The following ADAMTSL1 variants were observed in gnomAD, a reference collection of about 807,000 sequenced individuals.
ADAMTSL1 encodes ADAMTS-like protein 1.
A neutral mutation model predicts 201.8 loss-of-function variants in ADAMTSL1; 126 were observed. That is an observed-to-expected ratio of 0.62 (90% CI 0.54 to 0.72). ADAMTSL1 has a LOEUF of 0.72. Among genes scored for constraint, ADAMTSL1 ranks in the 30% least tolerant of loss-of-function variants. The pLI is 0.00. For synonymous variants in ADAMTSL1, 1,121 were observed against 903.4 expected (o/e 1.24, Z -4.32); for missense variants, 2,679 against 2,277.8 (o/e 1.18, Z -3.59).
rs183414297 is a variant in ADAMTSL1, at chr9:18,895,412, G to A, written c.4851+2816G>A. On this transcript the variant is annotated intron_variant, in intron 26 of 28. Transcript: ENST00000380548. ...TGATAGGAAATTTCCTGGTATTTTC[G>A]TTCATCCTTGCCCCACCCCCTCCCC... Among the ~76,000 whole-genome samples, 99 of 144,758 alleles carry A rather than the reference G, an allele frequency of 6.8e-4. 1 individual carries two copies. The highest frequency in any genetic ancestry group is 2.5e-3 in the African/African-American group (96 of 37,832). The allele number at this position is 144,758 out of a possible 152,430, so 95.0% of individuals were successfully genotyped here. A position where few individuals can be genotyped will look rare whatever the true frequency, so the allele number is the denominator to read the frequency against.
At chr9:18,066,730 A>T (rs1253190937) in intron 1 of ADAMTSL1, among the ~76,000 whole-genome samples, 1 of 152,246 alleles carries the variant, frequency 6.6e-6, no homozygotes, top group Admixed American at 6.5e-5. Context: ...AAGCTGTTAG[A>T]TCAACCCAAA....
At chr9:18,753,273 C>G (rs973489102) in intron 15 of ADAMTSL1, 25 bp from the exon 16 acceptor site, 4 of 1,594,928 alleles carry the variant, frequency 2.5e-6, no homozygotes, top group Middle Eastern at 3.3e-4. Context: ...AGGGTGTGTC[C>G]TCTTCCTCTC....
At chr9:18,262,755 C>T (rs1285949871) in intron 2 of ADAMTSL1, among the ~76,000 whole-genome samples, 1 of 152,156 alleles carries the variant, frequency 6.6e-6, no homozygotes, top group African/African-American at 2.4e-5. Flanking sequence ...GGTATGTGTG[C>T]TCAAAAGATA....
chr9:18,389,970 G>T (rs910208222), intron 2 of ADAMTSL1, among the ~76,000 whole-genome samples: 1 of 151,810 alleles, frequency 6.6e-6, no homozygotes, highest in African/African-American at 2.4e-5. Context: ...GTTCCAGAAA[G>T]GGTTTTAAAG....
intron 4 of ADAMTSL1, among the ~76,000 whole-genome samples, chr9:18,584,101 G>T (rs1054442116): frequency 6.6e-6 from 1 of 152,106 alleles, no homozygotes; most frequent in Non-Finnish European, 1.5e-5. Context: ...TTTGGGAGGG[G>T]CTAGAGTGGA....
At chr9:18,316,507 G>C (rs1443949052) in intron 2 of ADAMTSL1, among the ~76,000 whole-genome samples, 7 of 152,008 alleles carry the variant, frequency 4.6e-5, no homozygotes, top group Admixed American at 3.9e-4. Context: ...AGAATTCAGC[G>C]ATGTTTCTCC....
At chr9:18,677,151 A>G (rs1197282285) in intron 10 of ADAMTSL1, among the ~76,000 whole-genome samples, 2 of 151,896 alleles carry the variant, frequency 1.3e-5, no homozygotes, top group African/African-American at 4.8e-5. Flanking sequence ...TCACCTAATG[A>G]TCACATATAG....
At position 18,413,179 on chromosome 9, in the gene ADAMTSL1, G is replaced by A. The variant is rs555742677; in HGVS notation, c.208-91650G>A. On this transcript the variant is annotated intron_variant, in intron 2 of 29. Coordinates refer to the ADAMTSL1 transcript ENST00000680146. ...TTTTTTTTTTTTGAGATGGAATTTC[G>A]CTCTTATTGCCCAGTCTGAAGTGCA... Among the ~76,000 whole-genome samples the A allele has an allele frequency of 2.5e-3, 342 of 137,650 alleles. 3 individuals are homozygous for A. Among genetic ancestry groups the A allele is most frequent in the Middle Eastern group, 8.2e-3 (2 of 244 alleles). The allele number at this position is 137,650 out of a possible 152,430, so 90.3% of individuals were successfully genotyped here.
intron 2 of ADAMTSL1, among the ~76,000 whole-genome samples, chr9:18,370,962 T>G (rs1339151303): frequency 2.0e-5 from 3 of 152,208 alleles, no homozygotes; most frequent in African/African-American, 7.2e-5. Context: ...GGTCTGATTG[T>G]TACAAGACGC....
chr9:18,783,399 ACT>A (rs1345555770), intron 19 of ADAMTSL1, among the ~76,000 whole-genome samples: 9 of 151,900 alleles, frequency 5.9e-5, no homozygotes, highest in African/African-American at 1.7e-4. Context: ...ACCATTAGAA[ACT>A]CTTTCTACGG....
chr9:18,084,248 G>A (rs1358406428), intron 1 of ADAMTSL1, among the ~76,000 whole-genome samples: 4 of 152,238 alleles, frequency 2.6e-5, no homozygotes, highest in Non-Finnish European at 2.9e-5. Flanking sequence ...GAGGCTGGGC[G>A]CGGTGGCTCA....
At chr9:18,336,102 A>C (rs910757096) in intron 2 of ADAMTSL1, among the ~76,000 whole-genome samples, 4 of 152,156 alleles carry the variant, frequency 2.6e-5, no homozygotes, top group South Asian at 2.1e-4. Context: ...ACTTTACATA[A>C]GCCTTATCCC....
Position 18,620,230 on chromosome 9 carries a change from T to C in ADAMTSL1, c.475-2013T>C, listed in dbSNP as rs142908346. On this transcript the variant is annotated intron_variant, in intron 4 of 28. Transcript: ENST00000380548. ...TAATCAAATTGAATTCTTCATATTT[T>C]ATGCTCTCAGAGTGTCATGTGTCTG... 1.3e-3 allele frequency among the ~76,000 whole-genome samples: 204 copies of C among 152,254 alleles called. 1 individual carries two copies. Among genetic ancestry groups the C allele is most frequent in the African/African-American group, 4.5e-3 (188 of 41,548 alleles).
intron 1 of ADAMTSL1, among the ~76,000 whole-genome samples, chr9:18,079,484 C>T (rs920597424): frequency 1.3e-5 from 2 of 151,872 alleles, no homozygotes; most frequent in African/African-American, 4.8e-5. Context: ...AGATTGAGAC[C>T]ATCCTGGCTA....
At chr9:18,155,250 C>G (rs1201048668) in intron 1 of ADAMTSL1, among the ~76,000 whole-genome samples, 1 of 152,046 alleles carries the variant, frequency 6.6e-6, no homozygotes, top group Non-Finnish European at 1.5e-5. Context: ...ATTTAATTTA[C>G]TACTCCGACT....
chr9:18,908,257 G>A lies in ADAMTSL1; in HGVS notation c.5183-185G>A. 4 of 614,336 alleles carry A rather than the reference G, an allele frequency of 6.5e-6. No homozygotes were observed. In the Admixed American group the frequency reaches 7.1e-5, roughly 11 times the overall value. 38.1% of individuals were successfully genotyped at this position (614,336 alleles called of 1,614,324 possible). ...CAGGCTGGTGCCACCCCTGCTGTTGGCAGCCTTGGGGAGCAAGTGGCTGAG... is the reference window on the plus strand; with the variant it reads ...CAGGCTGGTGCCACCCCTGCTGTTGACAGCCTTGGGGAGCAAGTGGCTGAG... On this transcript the variant is annotated intron_variant, in intron 28 of 28. Transcript: ENST00000380548.
chr9:18,517,385 T>C (rs375846777), intron 2 of ADAMTSL1, among the ~76,000 whole-genome samples: 3 of 152,230 alleles, frequency 2.0e-5, no homozygotes, highest in East Asian at 3.9e-4. Flanking sequence ...TTTAATTTCA[T>C]TTTAAACTTT....
At chr9:18,057,019 C>T (rs996802850) in intron 1 of ADAMTSL1, among the ~76,000 whole-genome samples, 28 of 152,324 alleles carry the variant, frequency 1.8e-4, no homozygotes, top group African/African-American at 6.5e-4. Context: ...AGGAATTCCT[C>T]CCTGCAAAAT....
At chr9:18,281,752 C>T (rs1358174480) in intron 2 of ADAMTSL1, among the ~76,000 whole-genome samples, 2 of 152,050 alleles carry the variant, frequency 1.3e-5, no homozygotes, top group South Asian at 2.1e-4. Flanking sequence ...AACTTTTTCT[C>T]CACAGCAGGG....
Sources: gnomAD v4.1 joint callset for allele counts (sites outside exome capture counted in the v4.1 genomes callset) on GRCh38, gnomAD v4.1.1 for gene constraint, MANE v1.5 for transcripts, NCBI Gene and HGNC (gene_info 2026-07-23, HGNC 2026-07-21) for gene names.